MIA3: variants seen among roughly 807,000 people sequenced by gnomAD.
MIA3 encodes transport and Golgi organization protein 1 homolog.
MIA3 carries 90 observed loss-of-function variants against 192.4 expected under a neutral mutation model. That is an observed-to-expected ratio of 0.47 (90% CI 0.39 to 0.56). The LOEUF is 0.56. MIA3 is among the 20% of genes least tolerant of loss of function. The probability of loss-of-function intolerance (pLI) is 0.00; values close to 1 mark genes in which losing one functional copy is unlikely to be tolerated. For missense variants in MIA3, 2,123 were observed against 2,269.4 expected (o/e 0.94, Z 1.31); for synonymous variants, 740 against 792.8 (o/e 0.93, Z 1.12).
chr1:222,626,969 A>G (rs1443114717), intron 3 of MIA3, among the ~76,000 whole-genome samples: 1 of 152,202 alleles, frequency 6.6e-6, no homozygotes, highest in African/African-American at 2.4e-5. Flanking sequence ...TTATAAGGTG[A>G]ATTCCCAGAA....
intron 27 of MIA3, 124 bp downstream of exon 27, chr1:222,664,272 C>G (rs1046795635): frequency 6.9e-6 from 7 of 1,016,176 alleles, no homozygotes; most frequent in Admixed American, 4.2e-5. Context: ...TTGAGTACAC[C>G]GTAACTTTTC....
In MIA3 at chr1:222,627,887, G is replaced by GAGC; in HGVS notation, c.670_672dup (p.Gln224dup). 6.2e-7 allele frequency: 1 copy of GAGC among 1,614,062 alleles called. No homozygotes were observed. Among genetic ancestry groups the GAGC allele is most frequent in the African/African-American group, 1.3e-5 (1 of 75,054 alleles). On this transcript the variant is annotated inframe_insertion, in exon 4 of 28. Transcript: ENST00000344922. ...CAGCCAAGCAAATCATGCTCAGGGA[G>GAGC]AGCAGGCTTCATTTGAATCTTTTGA...
intron 24 of MIA3, 40 bp from the exon 25 acceptor site, chr1:222,662,016 C>CA (rs759620912): frequency 2.3e-5 from 35 of 1,539,412 alleles, no homozygotes; most frequent in Middle Eastern, 1.9e-4. Flanking sequence ...TTATTTCTTC[C>CA]AAAAAATACA....
rs1462072796 is a variant in MIA3, at chr1:222,628,401, G to T, written c.1181G>T (p.Gly394Val). 2 of 1,613,798 alleles carry T rather than the reference G, an allele frequency of 1.2e-6. No individual in the cohort carries two copies. The highest frequency in any genetic ancestry group is 4.5e-5 in the East Asian group (2 of 44,880). Residue 394 changes from glycine to valine, a missense_variant, in exon 4 of 28, where the codon GGT becomes GTT. Physicochemically the swap from Gly to Val is moderately radical, Grantham distance 109. Coordinates refer to ENST00000344922, the MANE Select transcript of MIA3 (RefSeq NM_198551.4). Reference sequence around the variant, plus strand: ...ACTATCTTCTCTATTGTCACAGGAGGTGAAGAAACAAGAGATACGATGGAT... The same window carrying T: ...ACTATCTTCTCTATTGTCACAGGAGTTGAAGAAACAAGAGATACGATGGAT... ...GDTIFSIVTG[G>V]EETRDTMDLE... is the part of the protein sequence containing the mutation.
At chr1:222,618,289 G>T in intron 1 of MIA3, 46 bp downstream of exon 1, 1 of 1,338,520 alleles carries the variant, frequency 7.5e-7, no homozygotes. Context: ...GCTGGCCTTG[G>T]GGTCTCCGCC....
chr1:222,644,305 C>T (rs1371256768), intron 6 of MIA3: 6 of 1,428,650 alleles, frequency 4.2e-6, no homozygotes, highest in Non-Finnish European at 5.5e-6. Context: ...TGGCTGATGA[C>T]GTGTTTTATA....
At chr1:222,636,506 C>CTTTTTT (rs34208115) in intron 6 of MIA3, among the ~76,000 whole-genome samples, 8 of 74,030 alleles carry the variant, frequency 1.1e-4, no homozygotes, top group Admixed American at 3.2e-4. Flanking sequence ...TAGTGTCCAT[C>CTTTTTT]TTTTTTTTTT....
At chr1:222,657,835 G>A (rs920003834) in intron 18 of MIA3, among the ~76,000 whole-genome samples, 1 of 152,300 alleles carries the variant, frequency 6.6e-6, no homozygotes, top group Middle Eastern at 3.4e-3. Flanking sequence ...TGAATGAGCA[G>A]TTGTAAAAGA....
At chr1:222,636,789 G>A (rs1662645497) in intron 6 of MIA3, among the ~76,000 whole-genome samples, 1 of 152,162 alleles carries the variant, frequency 6.6e-6, no homozygotes, top group Non-Finnish European at 1.5e-5. Flanking sequence ...TGGGATTACA[G>A]GTGTGAGCCA....
chr1:222,638,786 G>C (rs1014093292), intron 6 of MIA3, among the ~76,000 whole-genome samples: 2 of 151,944 alleles, frequency 1.3e-5, no homozygotes, highest in African/African-American at 4.8e-5. Context: ...GAAATGTATA[G>C]CACTACCTAT....
intron 8 of MIA3, 93 bp from the exon 9 acceptor site, chr1:222,650,199 A>G: frequency 1.3e-6 from 1 of 757,654 alleles, no homozygotes; most frequent in South Asian, 1.5e-5. Flanking sequence ...TTTTTGTCAT[A>G]GTGCAAGATA....
chr1:222,635,803 A>G lies in MIA3; in HGVS notation c.3477+2554A>G, dbSNP rs185222416. Reference sequence around the variant, plus strand: ...ACTAGTCCAACTTCTCAGTAGTCACAGCAATTCCCTGTACTCTAACCCTGC... The same window carrying G: ...ACTAGTCCAACTTCTCAGTAGTCACGGCAATTCCCTGTACTCTAACCCTGC... On this transcript the variant is annotated intron_variant, in intron 6 of 27. Coordinates refer to ENST00000344922, the MANE Select transcript of MIA3 (RefSeq NM_198551.4). Among the ~76,000 whole-genome samples, 277 of 152,292 alleles carry G rather than the reference A, an allele frequency of 1.8e-3. 1 individual carries two copies. Among genetic ancestry groups the G allele is most frequent in the Non-Finnish European group, 2.1e-3 (144 of 68,022 alleles).
At chr1:222,625,857 C>T (rs1033107241) in intron 3 of MIA3, among the ~76,000 whole-genome samples, 1 of 152,158 alleles carries the variant, frequency 6.6e-6, no homozygotes, top group Non-Finnish European at 1.5e-5. Flanking sequence ...CTGCCTCAGC[C>T]TCTGGAGTAG....
Position 222,618,135 on chromosome 1 carries a change from G to A in MIA3, c.25G>A (p.Val9Ile), listed in dbSNP as rs1661686656. ...CATGGCTGCGGCGCCTGGGCTGCTC[G>A]TCTGGCTGCTCGTGCTCCGGCTGCC... is the stretch of plus-strand genomic sequence containing the variant. MAAAPGLL[V>I]WLLVLRLPWR... Residue 9 changes from valine to isoleucine, a missense_variant, in exon 1 of 28, where the codon GTC (valine) becomes ATC (isoleucine). Val to Ile is a conservative substitution (Grantham distance 29, BLOSUM62 3). Coordinates refer to ENST00000344922, the MANE Select transcript of MIA3 (RefSeq NM_198551.4). 2 of 1,502,048 alleles carry A rather than the reference G, an allele frequency of 1.3e-6. No homozygotes were observed. 93.0% of individuals were successfully genotyped at this position (1,502,048 alleles called of 1,614,324 possible).
chr1:222,625,421 A>T (rs1662068924), intron 3 of MIA3, among the ~76,000 whole-genome samples: 1 of 152,258 alleles, frequency 6.6e-6, no homozygotes, highest in Non-Finnish European at 1.5e-5. Context: ...TCATTTCACA[A>T]GCAAAAGGAG....
intron 1 of MIA3, among the ~76,000 whole-genome samples, chr1:222,620,467 T>G (rs1210008912): frequency 6.6e-6 from 1 of 152,252 alleles, no homozygotes; most frequent in African/African-American, 2.4e-5. Flanking sequence ...AAACTTAATT[T>G]TGGATACAGT....
chr1:222,664,121 G>A lies in MIA3; in HGVS notation c.5386G>A (p.Gly1796Arg). Residue 1796 changes from glycine (G) to arginine (R), a missense_variant, in exon 27 of 28, where the codon GGG becomes AGG. Physicochemically the swap from Gly to Arg is moderately radical, Grantham distance 125. Coordinates refer to ENST00000344922, the MANE Select transcript of MIA3 (RefSeq NM_198551.4). ...GPPPQLCGPF[G>R]PRPLPPPFGP... ...ACCACCTCAGCTCTGCGGACCTTTT[G>A]GGCCTCGGCCACTTCCTCCACCCTT... 2 of 1,614,128 alleles carry A rather than the reference G, an allele frequency of 1.2e-6. No homozygotes were observed. The highest frequency in any genetic ancestry group is 3.3e-5 in the Admixed American group (2 of 60,008).
intron 6 of MIA3, among the ~76,000 whole-genome samples, chr1:222,638,526 A>G (rs1229729183): frequency 6.8e-6 from 1 of 147,984 alleles, no homozygotes; most frequent in African/African-American, 2.6e-5. Context: ...TGTTTCTACA[A>G]AACACACACA....
At chr1:222,623,210 A>C (rs1478874945) in intron 2 of MIA3, among the ~76,000 whole-genome samples, 1 of 152,086 alleles carries the variant, frequency 6.6e-6, no homozygotes, top group Non-Finnish European at 1.5e-5. Context: ...GTACCTTGGC[A>C]GAAATGATGT....
Sources: gnomAD v4.1 joint callset for allele counts (sites outside exome capture counted in the v4.1 genomes callset) on GRCh38, gnomAD v4.1.1 for gene constraint, MANE v1.5 for transcripts, NCBI Gene and HGNC (gene_info 2026-07-23, HGNC 2026-07-21) for gene names.